Variants in GALNT13 observed in about 807,000 individuals in gnomAD.
The protein encoded by GALNT13 is polypeptide N-acetylgalactosaminyltransferase 13.
In GALNT13, 28 loss-of-function variants were observed where a neutral mutation model predicts 64.2. That is an observed-to-expected ratio of 0.44 (90% CI 0.32 to 0.60). The LOEUF is 0.60. Ranked by LOEUF, GALNT13 falls within the 20% of genes least tolerant of loss-of-function variation. GALNT13 has a pLI of 0.05. For missense variants in GALNT13, 577 were observed against 669.8 expected (o/e 0.86, Z 1.53); for synonymous variants, 214 against 224.6 (o/e 0.95, Z 0.42).
At chr2:153,108,460 C>T in the GALNT13 span, among the ~76,000 whole-genome samples, 1 of 152,008 alleles carries the variant, frequency 6.6e-6, no homozygotes, top group African/African-American at 2.4e-5. Context: ...ATACCCATTT[C>T]TCAAAGCAAA....
At chr2:154,154,031 G>T (rs1387503328) in intron 4 of GALNT13, among the ~76,000 whole-genome samples, 4 of 152,192 alleles carry the variant, frequency 2.6e-5, no homozygotes, top group Admixed American at 1.3e-4. Context: ...TGTTGCTCAC[G>T]CTGGGAGCTG....
At chr2:154,405,751 T>C (rs1418774177) in intron 10 of GALNT13, among the ~76,000 whole-genome samples, 2 of 151,920 alleles carry the variant, frequency 1.3e-5, no homozygotes, top group Non-Finnish European at 2.9e-5. Context: ...GGGAAACTTT[T>C]CTGAAAATAA....
intron 3 of GALNT13, among the ~76,000 whole-genome samples, chr2:153,984,537 C>T (rs1367810820): frequency 6.6e-6 from 1 of 151,676 alleles, no homozygotes; most frequent in Non-Finnish European, 1.5e-5. Context: ...GATCAACCAT[C>T]TTTTAAGCCA....
At chr2:153,370,233 T>C in the GALNT13 span, among the ~76,000 whole-genome samples, 3 of 152,296 alleles carry the variant, frequency 2.0e-5, no homozygotes, top group South Asian at 6.2e-4. Context: ...GCTTCATTCA[T>C]GAATATTACC....
At chr2:153,183,188 T>C in the GALNT13 span, among the ~76,000 whole-genome samples, 10 of 152,220 alleles carry the variant, frequency 6.6e-5, no homozygotes, top group African/African-American at 1.2e-4. Context: ...CATGAGATGG[T>C]ATCTCATTGT....
the GALNT13 span, among the ~76,000 whole-genome samples, chr2:153,575,456 G>A: frequency 6.6e-6 from 1 of 152,182 alleles, no homozygotes; most frequent in African/African-American, 2.4e-5. Context: ...TCTCTTCAAG[G>A]TGGTGAGTAC....
intron 11 of GALNT13, among the ~76,000 whole-genome samples, chr2:154,420,325 A>G (rs768718853): frequency 1.3e-5 from 2 of 152,102 alleles, no homozygotes; most frequent in Non-Finnish European, 2.9e-5. Context: ...ATGGACTGCA[A>G]GCTCTCTGCT....
the GALNT13 span, among the ~76,000 whole-genome samples, chr2:153,653,710 A>G: frequency 1.1e-4 from 17 of 152,180 alleles, no homozygotes; most frequent in Non-Finnish European, 2.1e-4. Flanking sequence ...AAATAACATC[A>G]TATCAAGTGG....
chr2:154,382,484 C>A (rs1698317932), intron 9 of GALNT13, among the ~76,000 whole-genome samples: 1 of 152,006 alleles, frequency 6.6e-6, no homozygotes, highest in Non-Finnish European at 1.5e-5. Context: ...AGTATCAATT[C>A]TTTGACATGA....
chr2:154,368,673 T>C (rs1421790467), intron 9 of GALNT13, among the ~76,000 whole-genome samples: 1 of 152,146 alleles, frequency 6.6e-6, no homozygotes. Flanking sequence ...GTAATTGATT[T>C]ATCTGGCTAA....
At chr2:153,917,866 A>G (rs1689489791) in intron 2 of GALNT13, among the ~76,000 whole-genome samples, 1 of 151,186 alleles carries the variant, frequency 6.6e-6, no homozygotes, top group East Asian at 2.0e-4. Flanking sequence ...GAGAGAGAGA[A>G]AAAAGAGGCA....
chr2:154,327,965 CCTCA>C (rs1694964484), intron 9 of GALNT13, among the ~76,000 whole-genome samples: 1 of 151,710 alleles, frequency 6.6e-6, no homozygotes, highest in Non-Finnish European at 1.5e-5. Flanking sequence ...ATTTTGTTAA[CCTCA>C]CTCTCCTATT....
intron 9 of GALNT13, among the ~76,000 whole-genome samples, chr2:154,326,389 T>C (rs1694876042): frequency 6.6e-6 from 1 of 151,904 alleles, no homozygotes; most frequent in Non-Finnish European, 1.5e-5. Context: ...AATATTTTAA[T>C]GTATATATGT....
the GALNT13 span, among the ~76,000 whole-genome samples, chr2:153,605,884 T>C: frequency 6.6e-6 from 1 of 152,134 alleles, no homozygotes; most frequent in East Asian, 1.9e-4. Context: ...TTTGCTTTCA[T>C]ACTGAGATTT....
intron 9 of GALNT13, among the ~76,000 whole-genome samples, chr2:154,384,042 T>C (rs1021399605): frequency 3.9e-5 from 6 of 151,904 alleles, no homozygotes; most frequent in Non-Finnish European, 8.8e-5. Flanking sequence ...TAAATACACA[T>C]ATCAGCAAAT....
chr2:153,452,333 T>C, the GALNT13 span, among the ~76,000 whole-genome samples: 2 of 152,048 alleles, frequency 1.3e-5, no homozygotes, highest in South Asian at 2.1e-4. Flanking sequence ...ATACAAAAAT[T>C]AGCTGGTCGT....
intron 8 of GALNT13, among the ~76,000 whole-genome samples, chr2:154,292,225 G>A (rs1382676774): frequency 1.3e-5 from 2 of 152,090 alleles, no homozygotes; most frequent in Non-Finnish European, 2.9e-5. Context: ...TATACTAGAT[G>A]TGTCTGTGGG....
the GALNT13 span, chr2:153,423,634 A>G: frequency 6.6e-6 from 1 of 151,918 alleles, no homozygotes; most frequent in Non-Finnish European, 1.5e-5. Context: ...TTAAATTCAT[A>G]TATACAAACA....
At chr2:154,303,361 C>A (rs1266906793) in intron 9 of GALNT13, among the ~76,000 whole-genome samples, 1 of 151,966 alleles carries the variant, frequency 6.6e-6, no homozygotes, top group Non-Finnish European at 1.5e-5. Context: ...GCCACCCCAC[C>A]CTAATCTTAT....
Sources: allele counts gnomAD v4.1 joint callset (sites outside exome capture counted in the v4.1 genomes callset), GRCh38; gene constraint gnomAD v4.1.1; transcripts MANE v1.5; gene names NCBI Gene and HGNC (gene_info 2026-07-23, HGNC 2026-07-21).